The following ASXL2 variants were observed in gnomAD, a reference collection of about 807,000 sequenced individuals.
ASXL2 encodes ASXL transcriptional regulator 2.
ASXL2 carries 23 observed loss-of-function variants against 122.0 expected under a neutral mutation model. The ratio of observed to expected loss-of-function variants is 0.19; its 90% CI spans 0.14 to 0.27. ASXL2 has a LOEUF of 0.27. Ranked by LOEUF, ASXL2 falls within the 10% of genes least tolerant of loss-of-function variation. The probability of loss-of-function intolerance (pLI) is 1.00; values close to 1 mark genes in which losing one functional copy is unlikely to be tolerated. For missense variants in ASXL2, 1,518 were observed against 1,713.8 expected, an observed-to-expected ratio of 0.89 and a Z score of 2.02; for synonymous variants, 650 against 637.0, an observed-to-expected ratio of 1.02 and a Z score of -0.31.
chr2:25,749,786 A>G lies in ASXL2; in HGVS notation c.1770T>C (p.Asn590=). 1 of 1,604,642 alleles carries G rather than the reference A, an allele frequency of 6.2e-7. No individual in the cohort carries two copies. The highest frequency in any genetic ancestry group is 1.1e-5 in the South Asian group (1 of 89,050). ...CCTGAAATGGCTGCTGGTGCTGGCGATTCTCAGTGACACGTGGCCTCTTCT... is the reference window on the plus strand; with the variant it reads ...CCTGAAATGGCTGCTGGTGCTGGCGGTTCTCAGTGACACGTGGCCTCTTCT... ...SWEKRPRVTE[N]RQHQQPFQVS... Residue 590 remains asparagine, a synonymous_variant, in exon 12 of 13, where the codon AAT becomes AAC. Transcript: ENST00000435504.
intron 7 of ASXL2, among the ~76,000 whole-genome samples, chr2:25,767,977 C>T (rs575809711): frequency 6.6e-6 from 1 of 152,158 alleles, no homozygotes; most frequent in Non-Finnish European, 1.5e-5. Context: ...CAGATTGAGT[C>T]TGGCAGGCCC....
rs1303307752 is a variant in ASXL2 at position 25,744,185 on chromosome 2, C to T, written c.2152G>A (p.Asp718Asn). Reference sequence around the variant, plus strand: ...CCCTTTCCAGTTTCACTGACTCTGTCTGAGCCTGGACTGCCTCCTCTAGCA... The same window carrying T: ...CCCTTTCCAGTTTCACTGACTCTGTTTGAGCCTGGACTGCCTCCTCTAGCA... ...QTARGGSPGS[D>N]RVSETGKGPT... The change falls in exon 13 of 13, where the codon GAC (aspartate) becomes AAC (asparagine). Residue 718 changes from aspartate (D) to asparagine (N), a missense_variant. Coordinates refer to ENST00000435504, the MANE Select transcript of ASXL2 (RefSeq NM_018263.6). This position sits in a 1 kb window ranked among gnomAD's most constrained non-coding sequence, Gnocchi z 4.7. 1 of 1,614,026 alleles carries T rather than the reference C, an allele frequency of 6.2e-7. No homozygotes were observed.
intron 1 of ASXL2, among the ~76,000 whole-genome samples, chr2:25,874,376 C>T (rs1177783463): frequency 1.3e-5 from 2 of 152,160 alleles, no homozygotes; most frequent in Non-Finnish European, 2.9e-5. Context: ...GTAGTCCCAG[C>T]TACTTGGGAA....
rs372578149 is a variant in ASXL2 at position 25,744,302 on chromosome 2, C to T, written c.2035G>A (p.Ala679Thr). 36 of 1,610,994 alleles carry T rather than the reference C, an allele frequency of 2.2e-5. No individual in the cohort carries two copies. In the African/African-American group the frequency reaches 2.3e-4, roughly 10 times the overall value. Residue 679 changes from alanine (A) to threonine (T), a missense_variant, in exon 13 of 13, where the codon GCA becomes ACA. Physicochemically the swap from Ala to Thr is moderately conservative, Grantham distance 58. Coordinates refer to ENST00000435504, the MANE Select transcript of ASXL2 (RefSeq NM_018263.6). The surrounding 1 kb of genome is among the most constrained non-coding windows in gnomAD (Gnocchi z 4.7). The part of the protein sequence containing the change: ...AQRAAAAAAA[A>T]AAAAASVGGT... The stretch of plus-strand genomic sequence containing the variant: ...CCAACTGAGGCGGCTGCAGCAGCTG[C>T]GGCGGCAGCGGCAGCTGCTGCCCTC...
At chr2:25,798,257 CAACA>C (rs1199199917) in intron 5 of ASXL2, among the ~76,000 whole-genome samples, 2 of 152,152 alleles carry the variant, frequency 1.3e-5, no homozygotes, top group East Asian at 3.9e-4. Context: ...ATCGTCTGCA[CAACA>C]AACACCCATG....
intron 5 of ASXL2, among the ~76,000 whole-genome samples, chr2:25,786,068 C>T (rs1420749454): frequency 2.0e-5 from 3 of 152,058 alleles, no homozygotes; most frequent in Non-Finnish European, 2.9e-5. Flanking sequence ...GTTGGTTTAA[C>T]ATTTAATACG....
intron 12 of ASXL2, among the ~76,000 whole-genome samples, chr2:25,745,898 G>A (rs1220230294): frequency 4.6e-5 from 7 of 151,746 alleles, no homozygotes; most frequent in East Asian, 1.9e-4. Context: ...CACCCACCTC[G>A]GCCTCCCAAA....
intron 5 of ASXL2, among the ~76,000 whole-genome samples, chr2:25,774,324 GCTT>G: frequency 6.6e-6 from 1 of 152,148 alleles, no homozygotes; most frequent in South Asian, 2.1e-4. Flanking sequence ...GCACACTGAA[GCTT>G]TTTATATTTA....
intron 1 of ASXL2, among the ~76,000 whole-genome samples, chr2:25,865,618 A>C (rs1286275415): frequency 6.7e-6 from 1 of 149,414 alleles, no homozygotes; most frequent in Non-Finnish European, 1.5e-5. Flanking sequence ...ATACAAAAAA[A>C]AAAAAAATTA....
At chr2:25,849,073 A>ATATATATATATATATATATATATATG (rs1178062623) in intron 1 of ASXL2, among the ~76,000 whole-genome samples, 11 of 140,602 alleles carry the variant, frequency 7.8e-5, no homozygotes, top group East Asian at 2.3e-4. Context: ...ACATATATAT[A>ATATATATATATATATATATATATATG]TATGGAATAT....
At chr2:25,865,413 C>T (rs1287827608) in intron 1 of ASXL2, among the ~76,000 whole-genome samples, 2 of 151,242 alleles carry the variant, frequency 1.3e-5, no homozygotes, top group African/African-American at 2.4e-5. Context: ...GCCTGGATGA[C>T]AGAGCGAGAC....
At chr2:25,771,682 G>C in intron 5 of ASXL2, 142 bp from the exon 6 acceptor site, 2 of 652,134 alleles carry the variant, frequency 3.1e-6, no homozygotes, top group Non-Finnish European at 5.2e-6. Context: ...GAGTTTTACT[G>C]CAAACAGCCT....
chr2:25,845,443 G>C, intron 2 of ASXL2, 38 bp downstream of exon 2: 1 of 1,364,676 alleles, frequency 7.3e-7, no homozygotes, highest in Non-Finnish European at 9.8e-7. Flanking sequence ...CTCTGATCAA[G>C]TATTATAATT....
intron 4 of ASXL2, among the ~76,000 whole-genome samples, chr2:25,800,234 G>A (rs1188648969): frequency 6.6e-6 from 1 of 152,122 alleles, no homozygotes; most frequent in Admixed American, 6.6e-5. Flanking sequence ...GAAGTTTGAG[G>A]CTGCAGTGAG....
At chr2:25,853,050 C>T (rs990966685) in intron 1 of ASXL2, among the ~76,000 whole-genome samples, 4 of 152,192 alleles carry the variant, frequency 2.6e-5, no homozygotes, top group African/African-American at 9.6e-5. Flanking sequence ...ACTGAACCAG[C>T]ATAAGGGAGA....
chr2:25,843,993 C>A (rs192412912), intron 2 of ASXL2, among the ~76,000 whole-genome samples: 150 of 152,134 alleles, frequency 9.9e-4, no homozygotes, highest in Admixed American at 2.7e-3. Flanking sequence ...CAATGTGAAG[C>A]AACGTCCAAC....
rs1229580162 is a variant in ASXL2 at position 25,743,576 on chromosome 2, G to A, written c.2761C>T (p.Pro921Ser). Residue 921 changes from proline (P) to serine (S), a missense_variant, in exon 13 of 13, where the codon CCA (proline) becomes TCA (serine). This residue lies in a region of ASXL2 where 831 missense variants were observed against 833.1 expected (regional missense o/e 1.00). Transcript: ENST00000435504. ...AGSAPPSSTL[P>S]AASSLKTPGT... ...GGGGTTTTAAGGCTAGAAGCTGCTG[G>A]CAAAGTGCTCGAGGGTGGAGCTGAT... 6.2e-7 allele frequency: 1 copy of A among 1,613,896 alleles called. No homozygotes were observed. Among genetic ancestry groups the A allele is most frequent in the Admixed American group, 1.7e-5 (1 of 60,004 alleles).
rs1231462887 is a variant in ASXL2, at chr2:25,738,702, G to A, written c.*3327C>T. 1 of 152,142 alleles carries A rather than the reference G, an allele frequency of 6.6e-6. No homozygotes were observed. The highest frequency in any genetic ancestry group is 1.5e-5 in the Non-Finnish European group (1 of 68,024). The allele number at this position is 152,142 out of a possible 1,614,324, so 9.4% of individuals were successfully genotyped here. A position where few individuals can be genotyped will look rare whatever the true frequency, so the allele number is the denominator to read the frequency against. On this transcript the variant is annotated 3_prime_UTR_variant, in exon 13 of 13. Transcript: ENST00000435504. Reference sequence around the variant, plus strand: ...AATAATAAACAACAGAATGTTAACTGTCAGGTCATTAATATGTATGACTTT... The same window carrying A: ...AATAATAAACAACAGAATGTTAACTATCAGGTCATTAATATGTATGACTTT...
intron 1 of ASXL2, 36 bp downstream of exon 1, chr2:25,878,130 T>C: frequency 6.2e-7 from 1 of 1,612,580 alleles, no homozygotes; most frequent in Non-Finnish European, 8.5e-7. Context: ...GGGAACAAAA[T>C]CCTCCCGGCC....
Sources: gnomAD v4.1 joint callset for allele counts (sites outside exome capture counted in the v4.1 genomes callset) on GRCh38, gnomAD v4.1.1 for gene constraint, gnomAD v4.1.1 regional missense constraint, Gnocchi (gnomAD v3.1) non-coding constraint, MANE v1.5 for transcripts, NCBI Gene and HGNC (gene_info 2026-07-23, HGNC 2026-07-21) for gene names.